Variants in IFNG observed in about 807,000 individuals in gnomAD.
The protein encoded by IFNG is IFN-gamma.
In IFNG, 8 loss-of-function variants were observed where a neutral mutation model predicts 14.4. The observed-to-expected ratio is 0.56, with a 90% CI of 0.33 to 1.00. IFNG has a LOEUF of 1.00. Among genes scored for constraint, IFNG ranks in the 50% least tolerant of loss-of-function variants. The probability of loss-of-function intolerance (pLI) is 0.03; values close to 1 mark genes in which losing one functional copy is unlikely to be tolerated. For synonymous variants in IFNG, 73 were observed against 65.4 expected (o/e 1.12, Z -0.56); for missense variants, 132 against 194.9 (o/e 0.68, Z 1.92).
At chr12:68,156,249 G>A (rs1882599577) in intron 3 of IFNG, among the ~76,000 whole-genome samples, 1 of 152,176 alleles carries the variant, frequency 6.6e-6, no homozygotes, top group East Asian at 1.9e-4. Flanking sequence ...TTTATATATG[G>A]CTTACTGATA....
chr12:68,156,136 AC>A (rs1882597773), intron 3 of IFNG, among the ~76,000 whole-genome samples: 1 of 152,198 alleles, frequency 6.6e-6, no homozygotes, highest in Admixed American at 6.5e-5. Context: ...CCTAGAAAAC[AC>A]CAAATCCAAA....
chr12:68,158,970 G>A (rs940046793), intron 1 of IFNG, among the ~76,000 whole-genome samples: 1 of 152,094 alleles, frequency 6.6e-6, no homozygotes, highest in African/African-American at 2.4e-5. Flanking sequence ...AGTGAGCAAC[G>A]AAGTTCCGGA....
At position 68,155,364 on chromosome 12, in the gene IFNG, C is replaced by A. The variant is rs369578383; in HGVS notation, c.490G>T (p.Ala164Ser). 3.7e-6 allele frequency: 6 copies of A among 1,608,098 alleles called. No homozygotes were observed. The African/African-American group carries it at 8.0e-5, about 22-fold the overall frequency. The change falls in exon 4 of 4, where the codon GCA becomes TCA. Residue 164 changes from alanine to serine, a missense_variant. Ala to Ser is a moderately conservative substitution (Grantham distance 99). Coordinates refer to ENST00000229135, the MANE Select transcript of IFNG (RefSeq NM_000619.3). ...AGGCAGGACAACCATTACTGGGATG[C>A]TCTTCGACCTCGAAACAGCATCTGA... ...RSQMLFRGRRASQ is the reference protein window; with the variant it reads ...RSQMLFRGRRSSQ
At chr12:68,159,469 C>G (rs1882653554) in intron 1 of IFNG, 33 bp downstream of exon 1, 2 of 1,042,330 alleles carry the variant, frequency 1.9e-6, no homozygotes, top group Non-Finnish European at 2.9e-6. Context: ...CATTTTCAAC[C>G]ACAAACAAGT....
chr12:68,158,616 A>C (rs1039477564), intron 1 of IFNG, among the ~76,000 whole-genome samples: 5 of 152,108 alleles, frequency 3.3e-5, no homozygotes, highest in Admixed American at 6.6e-5. Context: ...CCACTATAAA[A>C]TACTGCCCCC....
At position 68,157,959 on chromosome 12, in the gene IFNG, C is replaced by T. The variant is rs1882626253; in HGVS notation, c.320G>A (p.Ser107Asn). 6.2e-7 allele frequency: 1 copy of T among 1,607,296 alleles called. No individual in the cohort carries two copies. Among genetic ancestry groups the T allele is most frequent in the African/African-American group, 1.3e-5 (1 of 74,776 alleles). ...GAAGTCATCTCGTTTCTTTTTGTTGCTATTGAAAAACTTGACATTCATGTC... is the reference window on the plus strand; with the variant it reads ...GAAGTCATCTCGTTTCTTTTTGTTGTTATTGAAAAACTTGACATTCATGTC... ...KEDMNVKFFN[S>N]NKKKRDDFEK... The change falls in exon 3 of 4, where the codon AGC (serine) becomes AAC (asparagine). Residue 107 changes from serine (S) to asparagine (N), a missense_variant. Transcript: ENST00000229135.
intron 3 of IFNG, 40 bp from the exon 4 acceptor site, chr12:68,155,527 T>C (rs376898049): frequency 2.6e-6 from 4 of 1,562,536 alleles, no homozygotes; most frequent in Non-Finnish European, 1.7e-6. Flanking sequence ...TTCAGGCATA[T>C]AAGCCATCAG....
Position 68,155,021 on chromosome 12 carries a change from T to A in IFNG, c.*332A>T, listed in dbSNP as rs1009405077. ...TAACTGGATAGTATCACTTCACTTATAAGTGTTCATTGTATCATCAAGTGA... is the reference window on the plus strand; with the variant it reads ...TAACTGGATAGTATCACTTCACTTAAAAGTGTTCATTGTATCATCAAGTGA... On this transcript the variant is annotated 3_prime_UTR_variant, in exon 4 of 4. Coordinates refer to ENST00000229135, the MANE Select transcript of IFNG (RefSeq NM_000619.3). 3 of 163,026 alleles carry A rather than the reference T, an allele frequency of 1.8e-5. No homozygotes were observed. The highest frequency in any genetic ancestry group is 7.2e-5 in the African/African-American group (3 of 41,714). The allele number at this position is 163,026 out of a possible 1,614,324, so 10.1% of individuals were successfully genotyped here. A position where few individuals can be genotyped will look rare whatever the true frequency, so the allele number is the denominator to read the frequency against.
In IFNG at chr12:68,155,310, T is replaced by G. The variant is rs779101442; in HGVS notation, c.*43A>C. 7.2e-7 allele frequency: 1 copy of G among 1,393,438 alleles called. No homozygotes were observed. The highest frequency in any genetic ancestry group is 9.7e-7 in the Non-Finnish European group (1 of 1,030,980). The allele number at this position is 1,393,438 out of a possible 1,614,324, so 86.3% of individuals were successfully genotyped here. A position where few individuals can be genotyped will look rare whatever the true frequency, so the allele number is the denominator to read the frequency against. ...ATAAATAATGTTAAATATTAATAAA[T>G]AGATTTAGATTTAAAATTCAAATAT... On this transcript the variant is annotated 3_prime_UTR_variant, in exon 4 of 4. Coordinates refer to ENST00000229135, the MANE Select transcript of IFNG (RefSeq NM_000619.3).
At chr12:68,159,002 T>G (rs1334256855) in intron 1 of IFNG, among the ~76,000 whole-genome samples, 1 of 152,160 alleles carries the variant, frequency 6.6e-6, no homozygotes, top group Admixed American at 6.5e-5. Context: ...GTAATATAGA[T>G]AGAGAAGCAG....
chr12:68,155,556 T>G, intron 3 of IFNG, 69 bp from the exon 4 acceptor site: 1 of 1,391,946 alleles, frequency 7.2e-7, no homozygotes, highest in Non-Finnish European at 9.8e-7. Context: ...GCTAATGTCA[T>G]GATGGTCAGT....
At position 68,155,147 on chromosome 12, in the gene IFNG, A is replaced by G. The variant is rs1251382982; in HGVS notation, c.*206T>C. The G allele has an allele frequency of 2.9e-6, 1 of 345,136 alleles. No homozygotes were observed. The highest frequency in any genetic ancestry group is 2.2e-5 in the African/African-American group (1 of 46,476). 21.4% of individuals were successfully genotyped at this position (345,136 alleles called of 1,614,324 possible). ...ATAGCCTTGCCTAATTAGTCAGAAAACAAAGGATTAAGTGAGACAGTCACA... is the reference window on the plus strand; with the variant it reads ...ATAGCCTTGCCTAATTAGTCAGAAAGCAAAGGATTAAGTGAGACAGTCACA... On this transcript the variant is annotated 3_prime_UTR_variant, in exon 4 of 4. Coordinates refer to ENST00000229135, the MANE Select transcript of IFNG (RefSeq NM_000619.3).
Position 68,159,664 on chromosome 12 carries a change from A to T in IFNG, c.-49T>A, listed in dbSNP as rs1419563294. The T allele has an allele frequency of 1.1e-6, 1 of 915,174 alleles. No individual in the cohort carries two copies. The highest frequency in any genetic ancestry group is 2.6e-5 in the East Asian group (1 of 39,090). 56.7% of individuals were successfully genotyped at this position (915,174 alleles called of 1,614,324 possible). ...AGAAGTTGAAATCAGTAGTTCTTGT[A>T]TCAAGCTGATCAGGTCCAAAGGACT... On this transcript the variant is annotated 5_prime_UTR_variant, in exon 1 of 4. Transcript: ENST00000229135.
In IFNG at chr12:68,157,563, T is replaced by A. The variant is rs121913165; in HGVS notation, c.366+350A>T. Among the ~76,000 whole-genome samples the A allele has an allele frequency of 3.9e-4, 59 of 152,296 alleles. No homozygotes were observed. The highest frequency in any genetic ancestry group is 1.4e-3 in the African/African-American group (58 of 41,556). ...TTCCATTAAGACAGACAGCCTCTCA[T>A]TCAAAGTAAGAGAATTTCCATCATA... is the stretch of plus-strand genomic sequence containing the variant. On this transcript the variant is annotated intron_variant, in intron 3 of 3. Transcript: ENST00000229135.
chr12:68,155,965 A>C (rs1339517701), intron 3 of IFNG, among the ~76,000 whole-genome samples: 1 of 152,188 alleles, frequency 6.6e-6, no homozygotes, highest in Non-Finnish European at 1.5e-5. Flanking sequence ...TAGGTCAATG[A>C]TTCTCACTGT....
At chr12:68,157,875 C>T (rs1447242398) in intron 3 of IFNG, 38 bp downstream of exon 3, 2 of 1,454,508 alleles carry the variant, frequency 1.4e-6, no homozygotes, top group Non-Finnish European at 9.5e-7. Flanking sequence ...GCAAGACCCT[C>T]GGCAATGAAA....
intron 1 of IFNG, among the ~76,000 whole-genome samples, 181 bp from the exon 2 acceptor site, chr12:68,158,440 T>C (rs538069357): frequency 6.6e-6 from 1 of 152,314 alleles, no homozygotes; most frequent in South Asian, 2.1e-4. Context: ...CAAAGACTAT[T>C]ATGTTCTTTT....
chr12:68,159,478 G>C (rs1882653632), intron 1 of IFNG, 24 bp downstream of exon 1: 6 of 1,109,620 alleles, frequency 5.4e-6, no homozygotes, highest in Non-Finnish European at 8.1e-6. Context: ...CCACAAACAA[G>C]TACTATTAAA....
At chr12:68,156,479 G>A (rs1483024288) in intron 3 of IFNG, among the ~76,000 whole-genome samples, 1 of 152,004 alleles carries the variant, frequency 6.6e-6, no homozygotes, top group East Asian at 1.9e-4. Context: ...GATGGCTGGG[G>A]GATTACAGCT....
Sources: allele counts gnomAD v4.1 joint callset (sites outside exome capture counted in the v4.1 genomes callset), GRCh38; gene constraint gnomAD v4.1.1; transcripts MANE v1.5; gene names NCBI Gene and HGNC (gene_info 2026-07-23, HGNC 2026-07-21).